Variants in ZDHHC2 observed in about 807,000 individuals in gnomAD.
The protein encoded by ZDHHC2 is palmitoyltransferase ZDHHC2.
A neutral mutation model predicts 55.6 loss-of-function variants in ZDHHC2; 51 were observed. The ratio of observed to expected loss-of-function variants is 0.92; its 90% CI spans 0.73 to 1.16. The LOEUF (loss-of-function observed/expected upper bound fraction) is 1.16. Among genes scored for constraint, ZDHHC2 ranks in the 50% most tolerant of loss-of-function variants. The pLI, the probability that ZDHHC2 is intolerant of heterozygous loss-of-function variation, is 0.00. For synonymous variants in ZDHHC2, 199 were observed against 152.9 expected (o/e 1.30, Z -2.22); for missense variants, 491 against 442.4 (o/e 1.11, Z -0.99).
At chr8:17,200,775 T>G (rs1228763152) in intron 6 of ZDHHC2, among the ~76,000 whole-genome samples, 1 of 152,204 alleles carries the variant, frequency 6.6e-6, no homozygotes, top group Non-Finnish European at 1.5e-5. Flanking sequence ...CCCTAGAATT[T>G]TTAAAAATAG....
intron 10 of ZDHHC2, 40 bp downstream of exon 10, chr8:17,210,520 T>C (rs1214288505): frequency 2.6e-6 from 4 of 1,511,020 alleles, no homozygotes; most frequent in Non-Finnish European, 3.6e-6. Flanking sequence ...TCAAATAAGA[T>C]ATTTTACCAT....
chr8:17,214,947 G>C (rs2959613), intron 10 of ZDHHC2, among the ~76,000 whole-genome samples: 148,939 of 152,274 alleles, frequency 0.98, 72,937 homozygotes, highest in East Asian at 1. Context: ...TAAGTTCTAA[G>C]TACCTGCTAA....
chr8:17,172,550 A>G (rs1215036138), intron 1 of ZDHHC2, among the ~76,000 whole-genome samples: 1 of 152,202 alleles, frequency 6.6e-6, no homozygotes, highest in Admixed American at 6.5e-5. Context: ...GGTATTATGC[A>G]CTTACAGTTA....
chr8:17,158,795 C>T (rs1360259673), intron 1 of ZDHHC2, among the ~76,000 whole-genome samples: 1 of 151,770 alleles, frequency 6.6e-6, no homozygotes, highest in Non-Finnish European at 1.5e-5. Flanking sequence ...GCCTGCCTGG[C>T]GCAATGCCTG....
At chr8:17,206,411 G>A (rs1165479144) in intron 7 of ZDHHC2, among the ~76,000 whole-genome samples, 1 of 152,120 alleles carries the variant, frequency 6.6e-6, no homozygotes, top group African/African-American at 2.4e-5. Flanking sequence ...TGTGACCAGA[G>A]GTTCATAGAA....
intron 12 of ZDHHC2, among the ~76,000 whole-genome samples, chr8:17,217,578 ATTATTT>A (rs1167670697): frequency 6.6e-6 from 1 of 152,152 alleles, no homozygotes; most frequent in Non-Finnish European, 1.5e-5. Flanking sequence ...AGTTAGAATA[ATTATTT>A]TTAATTTTTC....
At chr8:17,203,999 G>T (rs1806961312) in intron 6 of ZDHHC2, among the ~76,000 whole-genome samples, 1 of 151,820 alleles carries the variant, frequency 6.6e-6, no homozygotes, top group Non-Finnish European at 1.5e-5. Flanking sequence ...GTAGAGACAG[G>T]GTTTCACCAT....
rs1468514577 is a variant in ZDHHC2 at position 17,184,804 on chromosome 8, C to G, written c.146C>G (p.Thr49Ser). 1.3e-6 allele frequency: 2 copies of G among 1,550,196 alleles called. No individual in the cohort carries two copies. Among genetic ancestry groups the G allele is most frequent in the Non-Finnish European group, 1.7e-6 (2 of 1,146,390 alleles). Residue 49 changes from threonine to serine, a missense_variant, in exon 2 of 13, where the codon ACT becomes AGT. Physicochemically the swap from Thr to Ser is moderately conservative, Grantham distance 58 (BLOSUM62 1). Transcript: ENST00000262096. ...CTCTTTACAGTGTCCATGGAAAACA[C>G]TGGCGAACAAGGTAAGCTAGATTAT... ...IQLCIVSMEN[T>S]GEQVVCLMAY... is the part of the protein sequence containing the mutation.
intron 10 of ZDHHC2, among the ~76,000 whole-genome samples, chr8:17,213,653 A>G (rs113823821): frequency 1.1e-3 from 167 of 152,282 alleles, no homozygotes; most frequent in African/African-American, 3.8e-3. Context: ...TGAAATTTCC[A>G]TAAGAACAAA....
At chr8:17,200,594 A>G (rs1806707944) in intron 6 of ZDHHC2, among the ~76,000 whole-genome samples, 1 of 152,234 alleles carries the variant, frequency 6.6e-6, no homozygotes, top group African/African-American at 2.4e-5. Context: ...AAAGCTTCCC[A>G]TGCCCTTGCT....
At chr8:17,173,882 T>TAA (rs1235150939) in intron 1 of ZDHHC2, among the ~76,000 whole-genome samples, 2 of 151,962 alleles carry the variant, frequency 1.3e-5, no homozygotes, top group African/African-American at 4.8e-5. Flanking sequence ...TTTAAAGAAA[T>TAA]AATTAAGTTA....
At chr8:17,160,694 G>A (rs1418300016) in intron 1 of ZDHHC2, among the ~76,000 whole-genome samples, 1 of 152,172 alleles carries the variant, frequency 6.6e-6, no homozygotes, top group Non-Finnish European at 1.5e-5. Flanking sequence ...CTGAAAATAA[G>A]CCAACAGTCT....
At chr8:17,203,142 C>T (rs1257912319) in intron 6 of ZDHHC2, among the ~76,000 whole-genome samples, 1 of 150,094 alleles carries the variant, frequency 6.7e-6, no homozygotes, top group East Asian at 2.0e-4. Flanking sequence ...TCACTGCAGC[C>T]TCTGCCTCCC....
At chr8:17,209,336 G>A (rs1807259794) in intron 8 of ZDHHC2, among the ~76,000 whole-genome samples, 1 of 152,058 alleles carries the variant, frequency 6.6e-6, no homozygotes, top group Non-Finnish European at 1.5e-5. Context: ...CAACGAAATT[G>A]GAAAATACTT....
At chr8:17,172,579 A>C (rs1188323506) in intron 1 of ZDHHC2, among the ~76,000 whole-genome samples, 1 of 151,658 alleles carries the variant, frequency 6.6e-6, no homozygotes, top group Non-Finnish European at 1.5e-5. Flanking sequence ...AGTAGATCTC[A>C]AGTCTTCTTA....
intron 10 of ZDHHC2, among the ~76,000 whole-genome samples, 170 bp from the exon 11 acceptor site, chr8:17,215,067 C>T (rs765240927): frequency 3.9e-5 from 6 of 152,244 alleles, no homozygotes; most frequent in South Asian, 4.1e-4. Flanking sequence ...TTTCTCACCG[C>T]GAGTCAGTGC....
In ZDHHC2 at chr8:17,199,588, CTTTCTTCTTCTTTATTCT is replaced by C. The variant is rs1563161571; in HGVS notation, c.476+1178_476+1195del. 1.6e-3 allele frequency among the ~76,000 whole-genome samples: 54 copies of C among 34,070 alleles called. 2 individuals are homozygous for C. The highest frequency in any genetic ancestry group is 4.7e-3 in the Non-Finnish European group (41 of 8,664). 22.4% of individuals were successfully genotyped at this position (34,070 alleles called of 152,430 possible). A position where few individuals can be genotyped will look rare whatever the true frequency, so the allele number is the denominator to read the frequency against. On this transcript the variant is annotated intron_variant, in intron 6 of 12. Coordinates refer to ENST00000262096, the MANE Select transcript of ZDHHC2 (RefSeq NM_016353.5). The stretch of plus-strand genomic sequence containing the variant: ...TCTTCGTCTTTGTCTTCTTCTTCTT[CTTTCTTCTTCTTTATTCT>C]TTCTTCTTCTTCTTCTTCCTTTCTT...
chr8:17,198,306 A>G, intron 5 of ZDHHC2, 75 bp from the exon 6 acceptor site: 2 of 1,371,902 alleles, frequency 1.5e-6, no homozygotes, highest in Non-Finnish European at 9.7e-7. Flanking sequence ...AACTAACCAT[A>G]ATTTATATTT....
chr8:17,173,554 G>A (rs559149941), intron 1 of ZDHHC2, among the ~76,000 whole-genome samples: 2 of 151,490 alleles, frequency 1.3e-5, no homozygotes, highest in South Asian at 4.2e-4. Flanking sequence ...ATGGTGGCAC[G>A]CATCTGTGGT....
Sources: allele counts gnomAD v4.1 joint callset (sites outside exome capture counted in the v4.1 genomes callset), GRCh38; gene constraint gnomAD v4.1.1; transcripts MANE v1.5; gene names NCBI Gene and HGNC (gene_info 2026-07-23, HGNC 2026-07-21).